The following SLC5A11 variants were observed in gnomAD, a reference collection of about 807,000 sequenced individuals.
The protein encoded by SLC5A11 is sodium/myo-inositol cotransporter 2.
A neutral mutation model predicts 69.8 loss-of-function variants in SLC5A11; 48 were observed. The ratio of observed to expected loss-of-function variants is 0.69; its 90% CI spans 0.55 to 0.87. The LOEUF is 0.87. Among genes scored for constraint, SLC5A11 ranks in the 40% least tolerant of loss-of-function variants. SLC5A11 has a pLI of 0.00. For synonymous variants in SLC5A11, 319 were observed against 342.4 expected, an observed-to-expected ratio of 0.93 and a Z score of 0.75; for missense variants, 784 against 866.1, an observed-to-expected ratio of 0.91 and a Z score of 1.19.
intron 9 of SLC5A11, among the ~76,000 whole-genome samples, chr16:24,891,310 CTTT>C (rs11286846): frequency 4.9e-5 from 5 of 102,166 alleles, no homozygotes; most frequent in African/African-American, 7.3e-5. Flanking sequence ...CACACTCTGC[CTTT>C]TTTTTTTTTT....
At chr16:24,849,845 T>C (rs1351907046) in intron 1 of SLC5A11, among the ~76,000 whole-genome samples, 1 of 151,680 alleles carries the variant, frequency 6.6e-6, no homozygotes, top group African/African-American at 2.4e-5. Context: ...TAGAATTTAT[T>C]TCCAGATACC....
In SLC5A11 at chr16:24,895,130, AAAAG is replaced by A. The variant is rs555784272; in HGVS notation, c.871-2832_871-2829del. ...ATAGAGTGAGATCCTGCCTCAGAAAAAAAGAAAGAAAGAAAAAAAAAAGAACCAT... is the reference window on the plus strand; with the variant it reads ...ATAGAGTGAGATCCTGCCTCAGAAAAAAAGAAAGAAAAAAAAAAGAACCAT... On this transcript the variant is annotated intron_variant, in intron 9 of 15. Transcript: ENST00000347898. 5.3e-5 allele frequency among the ~76,000 whole-genome samples: 8 copies of A among 151,796 alleles called. No individual in the cohort carries two copies. The East Asian group carries it at 6.0e-4, about 11-fold the overall frequency.
chr16:24,903,156 CCTT>C, intron 10 of SLC5A11, among the ~76,000 whole-genome samples: 1 of 151,880 alleles, frequency 6.6e-6, no homozygotes, highest in East Asian at 1.9e-4. Flanking sequence ...CGATTCAAAA[CCTT>C]CTGAATCAGA....
chr16:24,893,273 G>T (rs1441465627), intron 9 of SLC5A11, among the ~76,000 whole-genome samples: 1 of 148,540 alleles, frequency 6.7e-6, no homozygotes, highest in Non-Finnish European at 1.5e-5. Flanking sequence ...GGGCAGCAAA[G>T]TGAGACTCCA....
At chr16:24,895,346 G>A (rs183263226) in intron 9 of SLC5A11, among the ~76,000 whole-genome samples, 12 of 151,536 alleles carry the variant, frequency 7.9e-5, no homozygotes, top group African/African-American at 2.7e-4. Context: ...AAAATTAGCC[G>A]GGCATGGTGG....
chr16:24,877,604 C>T (rs1311983224), intron 7 of SLC5A11, among the ~76,000 whole-genome samples: 1 of 152,216 alleles, frequency 6.6e-6, no homozygotes, highest in Non-Finnish European at 1.5e-5. Flanking sequence ...AATCCCAGCA[C>T]TTTGGGAAGC....
chr16:24,848,356 C>T (rs573998610), intron 1 of SLC5A11, among the ~76,000 whole-genome samples: 8 of 152,188 alleles, frequency 5.3e-5, no homozygotes, highest in Non-Finnish European at 1.0e-4. Context: ...TGCCTGCAAC[C>T]TCAGTGCTTT....
chr16:24,849,938 T>G (rs1005183824), intron 1 of SLC5A11, among the ~76,000 whole-genome samples: 5 of 151,882 alleles, frequency 3.3e-5, no homozygotes, highest in Non-Finnish European at 5.9e-5. Context: ...TTTTTAAAAT[T>G]TTTTATTTTA....
At chr16:24,901,958 G>GCGCA (rs976595625) in intron 10 of SLC5A11, among the ~76,000 whole-genome samples, 11,473 of 136,442 alleles carry the variant, frequency 0.084, 1,184 homozygotes, top group African/African-American at 0.26. Flanking sequence ...ACACACACAC[G>GCGCA]CACACACACA....
intron 1 of SLC5A11, among the ~76,000 whole-genome samples, chr16:24,855,011 G>T (rs1458897993): frequency 1.3e-5 from 2 of 151,986 alleles, no homozygotes; most frequent in East Asian, 3.9e-4. Context: ...CTGCCTCCCA[G>T]GCTGCAGTGC....
chr16:24,862,614 C>A (rs973008007), exon 3 of SLC5A11: 15 of 1,612,992 alleles, frequency 9.3e-6, no homozygotes, highest in Non-Finnish European at 1.3e-5. Context: ...ACAGTGAAGA[C>A]CAAAAGAGAC....
At chr16:24,875,756 T>C in intron 6 of SLC5A11, 25 bp downstream of exon 7, 2 of 1,578,594 alleles carry the variant, frequency 1.3e-6, no homozygotes, top group South Asian at 2.2e-5. Flanking sequence ...CAGCCTGGCC[T>C]CACCCATGCA....
At chr16:24,893,428 G>A (rs113505566) in intron 9 of SLC5A11, among the ~76,000 whole-genome samples, 68 of 152,024 alleles carry the variant, frequency 4.5e-4, no homozygotes, top group African/African-American at 1.2e-3. Flanking sequence ...TCTGCCACCA[G>A]GAAAAAGCCG....
intron 4 of SLC5A11, 53 bp from the exon 6 acceptor site, chr16:24,872,107 G>T: frequency 6.2e-7 from 1 of 1,610,640 alleles, no homozygotes; most frequent in South Asian, 1.1e-5. Context: ...AAATCCAAAT[G>T]GGTACCTTGT....
intron 9 of SLC5A11, among the ~76,000 whole-genome samples, chr16:24,894,246 C>A (rs898951647): frequency 6.6e-6 from 1 of 152,280 alleles, no homozygotes; most frequent in East Asian, 1.9e-4. Flanking sequence ...AACCCACCCC[C>A]AGCTGCATTT....
chr16:24,909,068 G>T (rs776100880), exon 14 of SLC5A11: 1 of 1,614,120 alleles, frequency 6.2e-7, no homozygotes, highest in South Asian at 1.1e-5. Context: ...ACCGTGAGCT[G>T]GTTCACAGAG....
rs559662703 is a variant in SLC5A11, at chr16:24,870,062, T to C, written c.312+57T>C. On this transcript the variant is annotated intron_variant, in intron 4 of 15. Transcript: ENST00000347898. ...CTTACCTCTACCTAACAGGTAGATCTCAGGGGAAAGTTGTGTGAATGCCCT... is the reference window on the plus strand; with the variant it reads ...CTTACCTCTACCTAACAGGTAGATCCCAGGGGAAAGTTGTGTGAATGCCCT... The C allele has an allele frequency of 3.5e-5, 45 of 1,277,456 alleles. No individual in the cohort carries two copies. In the South Asian group the frequency reaches 5.5e-4, roughly 16 times the overall value. 79.1% of individuals were successfully genotyped at this position (1,277,456 alleles called of 1,614,324 possible). A position where few individuals can be genotyped will look rare whatever the true frequency, so the allele number is the denominator to read the frequency against.
rs933020600 is a variant in SLC5A11, at chr16:24,879,144, G to GT, written c.583+1791dup. 1.9e-3 allele frequency among the ~76,000 whole-genome samples: 280 copies of GT among 147,756 alleles called. 2 individuals are homozygous for GT. The highest frequency in any genetic ancestry group is 3.8e-3 in the East Asian group (19 of 5,056). ...GAGGACAGGTTTTTTTTGGTTTTTT[G>GT]TTTTTTTTTTACATAGAATATTCAG... On this transcript the variant is annotated intron_variant, in intron 7 of 15. Transcript: ENST00000347898.
chr16:24,853,835 G>A (rs1318635441), intron 1 of SLC5A11, among the ~76,000 whole-genome samples: 2 of 152,230 alleles, frequency 1.3e-5, no homozygotes, highest in African/African-American at 4.8e-5. Flanking sequence ...CCAAGTGTTA[G>A]GGCCGATTCT....
Sources: gnomAD v4.1 joint callset for allele counts (sites outside exome capture counted in the v4.1 genomes callset) on GRCh38, gnomAD v4.1.1 for gene constraint, MANE v1.5 for transcripts, NCBI Gene and HGNC (gene_info 2026-07-23, HGNC 2026-07-21) for gene names.